Variants in LRRC4C observed in about 807,000 individuals in gnomAD.
LRRC4C encodes the protein leucine rich repeat containing 4C.
In LRRC4C, 5 loss-of-function variants were observed where a neutral mutation model predicts 33.6. The ratio of observed to expected loss-of-function variants is 0.15; its 90% confidence interval spans 0.08 to 0.31. LRRC4C has a LOEUF of 0.31. LRRC4C is among the 10% of genes least tolerant of loss of function. LRRC4C has a pLI of 1.00. For synonymous variants in LRRC4C, 329 were observed against 302.0 expected (o/e 1.09, Z -0.93); for missense variants, 560 against 796.7 (o/e 0.70, Z 3.58).
In LRRC4C at chr11:41,418,630, G is replaced by A. The variant is rs537018962; in HGVS notation, c.-496+40801C>T. On this transcript the variant is annotated intron_variant, in intron 1 of 6. Transcript: ENST00000528697. ...GGGGGGTTGGTGAAACATCAACAAC[G>A]TGAACTATCACAAACATATGATAAT... Among the ~76,000 whole-genome samples the A allele has an allele frequency of 3.8e-4, 58 of 152,116 alleles. No individual in the cohort carries two copies. The South Asian group carries it at 1.0e-2, about 26-fold the overall frequency.
At chr11:40,587,102 C>A (rs986701133) in intron 3 of LRRC4C, among the ~76,000 whole-genome samples, 13 of 151,918 alleles carry the variant, frequency 8.6e-5, no homozygotes, top group African/African-American at 3.1e-4. Flanking sequence ...TCTTCCTACC[C>A]ATGAGCATGG....
At chr11:40,617,940 T>C (rs1962032246) in intron 3 of LRRC4C, among the ~76,000 whole-genome samples, 2 of 151,610 alleles carry the variant, frequency 1.3e-5, no homozygotes, top group South Asian at 4.1e-4. Flanking sequence ...TGACTATATA[T>C]TTGATGTCTG....
At chr11:40,595,209 T>C (rs1196337419) in intron 3 of LRRC4C, among the ~76,000 whole-genome samples, 1 of 151,868 alleles carries the variant, frequency 6.6e-6, no homozygotes, top group Non-Finnish European at 1.5e-5. Context: ...GGATAAAATT[T>C]TACAAATTCA....
chr11:40,221,907 G>A (rs1267194927), intron 5 of LRRC4C, among the ~76,000 whole-genome samples: 2 of 152,132 alleles, frequency 1.3e-5, no homozygotes, highest in Non-Finnish European at 2.9e-5. Flanking sequence ...CACTCAGGGA[G>A]CTTGGCTCTT....
rs549885942 is a variant in LRRC4C at position 41,208,395 on chromosome 11, T to C, written c.-496+251036A>G. ...CAAAAAGAAAACAGGACTTGAAGATTTGAATAATTCTCTGCCTGTGCATGT... is the reference window on the plus strand; with the variant it reads ...CAAAAAGAAAACAGGACTTGAAGATCTGAATAATTCTCTGCCTGTGCATGT... On this transcript the variant is annotated intron_variant, in intron 1 of 6. Transcript: ENST00000528697. Among the ~76,000 whole-genome samples, 6 of 152,306 alleles carry C rather than the reference T, an allele frequency of 3.9e-5. No homozygotes were observed. In the East Asian group the frequency reaches 5.8e-4, roughly 15 times the overall value.
intron 3 of LRRC4C, among the ~76,000 whole-genome samples, chr11:40,513,707 C>A (rs1331432152): frequency 6.6e-6 from 1 of 152,186 alleles, no homozygotes; most frequent in Non-Finnish European, 1.5e-5. Context: ...TACTTTACAA[C>A]TCTCCAGGAT....
chr11:40,854,254 C>T (rs1348998205), intron 2 of LRRC4C, among the ~76,000 whole-genome samples: 1 of 152,136 alleles, frequency 6.6e-6, no homozygotes, highest in Non-Finnish European at 1.5e-5. Context: ...TCGATTCTAA[C>T]AGGAATGGGA....
chr11:40,186,091 T>C (rs1030870679), intron 5 of LRRC4C, among the ~76,000 whole-genome samples: 4 of 152,228 alleles, frequency 2.6e-5, no homozygotes, highest in Non-Finnish European at 5.9e-5. Context: ...AGACGGCACC[T>C]TGATTGTTTC....
chr11:41,415,786 T>C (rs780428902), intron 1 of LRRC4C, among the ~76,000 whole-genome samples: 15 of 152,176 alleles, frequency 9.9e-5, no homozygotes, highest in Non-Finnish European at 1.9e-4. Flanking sequence ...CTAAACCTCA[T>C]AATGTATAGG....
chr11:41,382,563 A>T (rs1446830556), intron 1 of LRRC4C, among the ~76,000 whole-genome samples: 1 of 152,112 alleles, frequency 6.6e-6, no homozygotes, highest in African/African-American at 2.4e-5. Context: ...TAATTCACTA[A>T]GTAATAAGAA....
At chr11:40,942,799 T>C (rs1174342391) in intron 1 of LRRC4C, among the ~76,000 whole-genome samples, 2 of 152,088 alleles carry the variant, frequency 1.3e-5, no homozygotes, top group Non-Finnish European at 2.9e-5. Context: ...ATGGAGATAC[T>C]AGTAATAAAG....
intron 3 of LRRC4C, among the ~76,000 whole-genome samples, chr11:40,328,847 A>G (rs964665697): frequency 6.6e-6 from 1 of 152,264 alleles, no homozygotes; most frequent in African/African-American, 2.4e-5. Flanking sequence ...GACAATTCAT[A>G]AATGTGAAAA....
At chr11:40,762,812 G>A (rs1337887330) in intron 2 of LRRC4C, among the ~76,000 whole-genome samples, 4 of 151,604 alleles carry the variant, frequency 2.6e-5, no homozygotes, top group Non-Finnish European at 4.4e-5. Flanking sequence ...TTTGTCTCCT[G>A]CCTCCTCTCA....
At chr11:40,810,695 A>C (rs1346583739) in intron 2 of LRRC4C, among the ~76,000 whole-genome samples, 1 of 152,122 alleles carries the variant, frequency 6.6e-6, no homozygotes, top group African/African-American at 2.4e-5. Context: ...CCAAATACTT[A>C]ACGGTTAAAT....
At chr11:41,263,922 C>T (rs1363787104) in intron 1 of LRRC4C, among the ~76,000 whole-genome samples, 1 of 151,966 alleles carries the variant, frequency 6.6e-6, no homozygotes, top group African/African-American at 2.4e-5. Flanking sequence ...ATAGCATGTG[C>T]GGGATGAGAT....
intron 1 of LRRC4C, among the ~76,000 whole-genome samples, chr11:41,251,343 G>A (rs143881824): frequency 4.1e-4 from 62 of 152,208 alleles, no homozygotes; most frequent in East Asian, 1.5e-3. Context: ...AGAGCTCACC[G>A]TCTGCCCTAC....
chr11:41,355,761 A>G (rs1952139331), intron 1 of LRRC4C, among the ~76,000 whole-genome samples: 1 of 152,142 alleles, frequency 6.6e-6, no homozygotes, highest in Admixed American at 6.6e-5. Flanking sequence ...TTAAATATTG[A>G]CAATTTCATA....
At chr11:40,920,942 A>G (rs1957148578) in intron 2 of LRRC4C, among the ~76,000 whole-genome samples, 4 of 145,338 alleles carry the variant, frequency 2.8e-5, no homozygotes, top group Admixed American at 2.1e-4. Flanking sequence ...TTTTTTTGAG[A>G]TAGGGTCTTG....
intron 1 of LRRC4C, among the ~76,000 whole-genome samples, chr11:41,265,839 A>G (rs1163836201): frequency 1.3e-5 from 2 of 150,704 alleles, no homozygotes; most frequent in Non-Finnish European, 3.0e-5. Flanking sequence ...TGTTGTTTCT[A>G]GAAGCAGGGA....
Sources: allele counts gnomAD v4.1 joint callset (sites outside exome capture counted in the v4.1 genomes callset), GRCh38; gene constraint gnomAD v4.1.1; transcripts MANE v1.5; gene names NCBI Gene and HGNC (gene_info 2026-07-23, HGNC 2026-07-21).